SLC2A13: variants seen among roughly 807,000 people sequenced by gnomAD.
SLC2A13 encodes solute carrier family 2 member 13.
A neutral mutation model predicts 64.4 loss-of-function variants in SLC2A13; 32 were observed. The observed-to-expected ratio is 0.50, with a 90% CI of 0.37 to 0.67. SLC2A13 has a LOEUF of 0.67. Among genes scored for constraint, SLC2A13 ranks in the 30% least tolerant of loss-of-function variants. The pLI, the probability that SLC2A13 is intolerant of heterozygous loss-of-function variation, is 0.00. For synonymous variants in SLC2A13, 338 were observed against 327.1 expected (o/e 1.03, Z -0.36); for missense variants, 743 against 829.2 (o/e 0.90, Z 1.28).
At chr12:39,931,334 G>T (rs146446740) in intron 4 of SLC2A13, among the ~76,000 whole-genome samples, 1 of 152,228 alleles carries the variant, frequency 6.6e-6, no homozygotes, top group Non-Finnish European at 1.5e-5. Context: ...TACTAAATGA[G>T]ACCAGAGCTC....
chr12:40,008,271 T>C (rs1202611879), intron 3 of SLC2A13, among the ~76,000 whole-genome samples: 1 of 152,120 alleles, frequency 6.6e-6, no homozygotes, highest in African/African-American at 2.4e-5. Context: ...GTGGTGGTGA[T>C]GACAGGAAGC....
At chr12:40,075,174 G>C (rs530747590) in intron 1 of SLC2A13, among the ~76,000 whole-genome samples, 2 of 152,284 alleles carry the variant, frequency 1.3e-5, no homozygotes, top group African/African-American at 4.8e-5. Flanking sequence ...AAACCTGGTA[G>C]AGCAGCAAGA....
chr12:40,037,784 C>T (rs1296092526), intron 2 of SLC2A13, among the ~76,000 whole-genome samples: 1 of 152,052 alleles, frequency 6.6e-6, no homozygotes, highest in African/African-American at 2.4e-5. Flanking sequence ...AGCAAATGAC[C>T]ATCCCATCTA....
chr12:39,956,307 G>C (rs1480027333), intron 3 of SLC2A13, among the ~76,000 whole-genome samples: 1 of 152,168 alleles, frequency 6.6e-6, no homozygotes, highest in African/African-American at 2.4e-5. Flanking sequence ...TGTGGAGGGA[G>C]GAATTACAAA....
intron 4 of SLC2A13, among the ~76,000 whole-genome samples, chr12:39,884,442 G>A (rs938143971): frequency 6.6e-6 from 1 of 152,082 alleles, no homozygotes; most frequent in Admixed American, 6.6e-5. Context: ...CTACAAATAA[G>A]TCACAGTAAT....
chr12:40,054,333 C>A (rs1337422876), intron 1 of SLC2A13, among the ~76,000 whole-genome samples: 1 of 151,996 alleles, frequency 6.6e-6, no homozygotes, highest in Non-Finnish European at 1.5e-5. Flanking sequence ...CTTTTGATTT[C>A]TTTCCTATTC....
chr12:39,886,125 T>G (rs2135968364), intron 4 of SLC2A13, among the ~76,000 whole-genome samples: 1 of 152,290 alleles, frequency 6.6e-6, no homozygotes, highest in South Asian at 2.1e-4. Context: ...AGAGATAAAT[T>G]TTATTGTTCC....
At chr12:40,039,034 C>T (rs886411605) in intron 2 of SLC2A13, among the ~76,000 whole-genome samples, 1 of 152,140 alleles carries the variant, frequency 6.6e-6, no homozygotes, top group Admixed American at 6.5e-5. Context: ...TTTAAGTATA[C>T]AGCTCTACAG....
In SLC2A13 at chr12:40,028,405, T is replaced by C. The variant is rs1424345508; in HGVS notation, c.821A>G (p.Lys274Arg). 1 of 1,614,128 alleles carries C rather than the reference T, an allele frequency of 6.2e-7. No homozygotes were observed. The highest frequency in any genetic ancestry group is 2.2e-5 in the East Asian group (1 of 44,882). ...RWLIQKGQTQ[K>R]ARRILSQMRG... ...CATCTGAGATAAAATTCTACGGGCCTTCTGAGTCTGTCCTTTCTGAATAAG... is the reference window on the plus strand; with the variant it reads ...CATCTGAGATAAAATTCTACGGGCCCTCTGAGTCTGTCCTTTCTGAATAAG... The change falls in exon 3 of 10, where the codon AAG becomes AGG. Residue 274 changes from lysine (K) to arginine (R), a missense_variant. Physicochemically the swap from Lys to Arg is conservative, Grantham distance 26 (BLOSUM62 2). Transcript: ENST00000280871.
In SLC2A13 at chr12:39,900,692, T is replaced by C. The variant is rs1386969284; in HGVS notation, c.1035-28731A>G. Among the ~76,000 whole-genome samples, 3 of 151,972 alleles carry C rather than the reference T, an allele frequency of 2.0e-5. No individual in the cohort carries two copies. In the East Asian group the frequency reaches 5.8e-4, roughly 29 times the overall value. On this transcript the variant is annotated intron_variant, in intron 4 of 9. Transcript: ENST00000280871. ...CACTGCTCAATGAAATAAAAGAGGA[T>C]ACAAACAAATGGAAGAACATTCCAT... is the stretch of plus-strand genomic sequence containing the variant.
chr12:40,037,285 T>C (rs1948004522), intron 2 of SLC2A13, among the ~76,000 whole-genome samples: 1 of 152,148 alleles, frequency 6.6e-6, no homozygotes, highest in Non-Finnish European at 1.5e-5. Flanking sequence ...TTAAAGTTTT[T>C]GTTTAAGATT....
chr12:39,773,090 C>T (rs1383293715), intron 7 of SLC2A13, among the ~76,000 whole-genome samples: 3 of 152,188 alleles, frequency 2.0e-5, no homozygotes, highest in Middle Eastern at 3.2e-3. Flanking sequence ...GGTAGAAGAA[C>T]ATAATGCTCC....
chr12:39,782,919 G>A (rs1220054549), intron 7 of SLC2A13, among the ~76,000 whole-genome samples: 1 of 152,092 alleles, frequency 6.6e-6, no homozygotes, highest in African/African-American at 2.4e-5. Flanking sequence ...TGTGCACAAT[G>A]TGCAGGTTTG....
At chr12:39,855,581 T>C (rs1388357536) in intron 6 of SLC2A13, among the ~76,000 whole-genome samples, 1 of 152,234 alleles carries the variant, frequency 6.6e-6, no homozygotes, top group African/African-American at 2.4e-5. Context: ...CTGTTTTTTT[T>C]GTTGTTGTTT....
At chr12:39,930,509 T>C (rs1945808121) in intron 4 of SLC2A13, among the ~76,000 whole-genome samples, 2 of 152,280 alleles carry the variant, frequency 1.3e-5, no homozygotes, top group South Asian at 4.2e-4. Flanking sequence ...TCATCTTCCA[T>C]AATGAAAAGT....
intron 4 of SLC2A13, among the ~76,000 whole-genome samples, chr12:39,877,698 A>G (rs1454896367): frequency 1.3e-5 from 2 of 152,256 alleles, no homozygotes; most frequent in African/African-American, 4.8e-5. Context: ...GTGAATTCCA[A>G]TGTTTACAGA....
chr12:39,925,030 A>ATTT (rs58902176), intron 4 of SLC2A13, among the ~76,000 whole-genome samples: 5,856 of 118,828 alleles, frequency 0.049, 273 homozygotes, highest in Non-Finnish European at 0.078. Flanking sequence ...CATACAGATA[A>ATTT]TTTTTTTTTT....
chr12:39,942,857 C>T (rs1946060521), intron 4 of SLC2A13, among the ~76,000 whole-genome samples: 1 of 152,032 alleles, frequency 6.6e-6, no homozygotes, highest in Non-Finnish European at 1.5e-5. Context: ...GAATTTTCAG[C>T]CTTTTTGTGC....
intron 7 of SLC2A13, among the ~76,000 whole-genome samples, chr12:39,786,198 T>C (rs1357185812): frequency 6.6e-6 from 1 of 152,186 alleles, no homozygotes; most frequent in Non-Finnish European, 1.5e-5. Flanking sequence ...TCCCATGTAT[T>C]GTGGGAGGTA....
Sources: allele counts gnomAD v4.1 joint callset (sites outside exome capture counted in the v4.1 genomes callset), GRCh38; gene constraint gnomAD v4.1.1; transcripts MANE v1.5; gene names NCBI Gene and HGNC (gene_info 2026-07-23, HGNC 2026-07-21).